Variants in SHANK2 observed in about 807,000 individuals in gnomAD.
SHANK2 encodes SH3 and multiple ankyrin repeat domains protein 2.
A neutral mutation model predicts 133.7 loss-of-function variants in SHANK2; 43 were observed. The observed-to-expected ratio is 0.32, with a 90% CI of 0.25 to 0.41. The LOEUF (loss-of-function observed/expected upper bound fraction) is 0.41. Ranked by LOEUF, SHANK2 falls within the 10% of genes least tolerant of loss-of-function variation. The pLI is 1.00. For synonymous variants in SHANK2, 1,017 were observed against 952.8 expected (o/e 1.07, Z -1.24); for missense variants, 1,994 against 2,235.8 (o/e 0.89, Z 2.18).
intron 17 of SHANK2, among the ~76,000 whole-genome samples, chr11:70,659,205 G>A (rs1202349071): frequency 6.6e-6 from 1 of 152,120 alleles, no homozygotes; most frequent in Non-Finnish European, 1.5e-5. Context: ...ATTCTCTAAA[G>A]GAAGAGAATG....
intron 8 of SHANK2, among the ~76,000 whole-genome samples, chr11:71,088,311 C>A (rs1951446529): frequency 6.6e-6 from 1 of 152,168 alleles, no homozygotes; most frequent in Non-Finnish European, 1.5e-5. Flanking sequence ...TATCTGTACA[C>A]ACACACACAT....
intron 10 of SHANK2, among the ~76,000 whole-genome samples, chr11:70,938,982 A>C (rs539838083): frequency 2.0e-5 from 3 of 152,272 alleles, no homozygotes; most frequent in Admixed American, 1.3e-4. Context: ...CTGGTGGCTA[A>C]TCCAGGAGAG....
chr11:70,752,125 T>G (rs1184535623), intron 14 of SHANK2, among the ~76,000 whole-genome samples: 1 of 152,190 alleles, frequency 6.6e-6, no homozygotes, highest in African/African-American at 2.4e-5. Flanking sequence ...CTTTATTATT[T>G]TTTTGTAGAG....
chr11:71,228,035 C>A (rs1254162793), intron 1 of SHANK2, among the ~76,000 whole-genome samples: 2 of 151,362 alleles, frequency 1.3e-5, no homozygotes, highest in Non-Finnish European at 3.0e-5. Context: ...GAAAAAAAAA[C>A]AACACAAATT....
chr11:71,233,800 C>G (rs1954784220), intron 1 of SHANK2, among the ~76,000 whole-genome samples: 1 of 152,164 alleles, frequency 6.6e-6, no homozygotes, highest in African/African-American at 2.4e-5. Context: ...GTAATCCCAG[C>G]ACTTTGGGAG....
intron 2 of SHANK2, among the ~76,000 whole-genome samples, chr11:71,165,911 G>A (rs1173041094): frequency 1.3e-5 from 2 of 152,088 alleles, no homozygotes; most frequent in African/African-American, 4.8e-5. Context: ...CACCCTCCAT[G>A]AGCACTCTGT....
chr11:70,500,487 A>G lies in SHANK2; in HGVS notation c.2308+83T>C. On this transcript the variant is annotated intron_variant, in intron 21 of 25. Coordinates refer to ENST00000601538, the MANE Select transcript of SHANK2 (RefSeq NM_012309.5). The surrounding 1 kb of genome is among the most constrained non-coding windows in gnomAD (Gnocchi z 4.5). The stretch of plus-strand genomic sequence containing the variant: ...AACAAGGCTTTGCGACACATTTGAG[A>G]CTTCACGGCATCACAAAGGATGTTT... 14 of 1,542,588 alleles carry G rather than the reference A, an allele frequency of 9.1e-6. No homozygotes were observed. The highest frequency in any genetic ancestry group is 1.4e-5 in the African/African-American group (1 of 73,186).
chr11:71,098,400 C>T (rs1344512043), intron 6 of SHANK2, among the ~76,000 whole-genome samples: 11 of 152,224 alleles, frequency 7.2e-5, no homozygotes, highest in African/African-American at 2.7e-4. Context: ...GCGATTCTTC[C>T]TATGAGGGGA....
chr11:70,576,018 A>G (rs935241872), intron 17 of SHANK2, among the ~76,000 whole-genome samples: 6 of 152,108 alleles, frequency 3.9e-5, no homozygotes, highest in African/African-American at 1.2e-4. Flanking sequence ...GGTGTGCTGC[A>G]TGTCCCATTT....
In SHANK2 at chr11:70,820,356, C is replaced by G; in HGVS notation, c.1493+8G>C. 1.6e-6 allele frequency: 1 copy of G among 618,630 alleles called. No individual in the cohort carries two copies. Among genetic ancestry groups the G allele is most frequent in the Non-Finnish European group, 3.0e-6 (1 of 332,846 alleles). 38.3% of individuals were successfully genotyped at this position (618,630 alleles called of 1,614,324 possible). A position where few individuals can be genotyped will look rare whatever the true frequency, so the allele number is the denominator to read the frequency against. On this transcript the variant is annotated splice_region_variant and intron_variant, in intron 12 of 25. Coordinates refer to ENST00000601538, the MANE Select transcript of SHANK2 (RefSeq NM_012309.5). ...GTCTTCCTTCCCTTGGCGTCTGCCA[C>G]TCCTTACCCGACATGCCAGAGAGGC...
At chr11:71,238,342 G>C (rs944618646) in intron 1 of SHANK2, among the ~76,000 whole-genome samples, 1 of 152,222 alleles carries the variant, frequency 6.6e-6, no homozygotes, top group Non-Finnish European at 1.5e-5. Context: ...AGTAAGAACA[G>C]TTGGCGGTAC....
intron 2 of SHANK2, among the ~76,000 whole-genome samples, chr11:71,192,718 T>G (rs1156304684): frequency 2.0e-5 from 3 of 152,232 alleles, no homozygotes; most frequent in Admixed American, 6.5e-5. Flanking sequence ...ACTGGAATAT[T>G]CACTTACAAA....
chr11:70,546,534 G>A (rs782589404), intron 17 of SHANK2, among the ~76,000 whole-genome samples: 11 of 152,122 alleles, frequency 7.2e-5, no homozygotes, highest in Non-Finnish European at 1.3e-4. Flanking sequence ...TCAAGTTGTC[G>A]AGAGTCCAGA....
chr11:70,804,737 G>T lies in SHANK2; in HGVS notation c.1663+2265C>A, dbSNP rs1366647239. Among the ~76,000 whole-genome samples, 2 of 152,196 alleles carry T rather than the reference G, an allele frequency of 1.3e-5. No homozygotes were observed. Among genetic ancestry groups the T allele is most frequent in the Non-Finnish European group, 2.9e-5 (2 of 68,030 alleles). ...AGGGGAAGGCCCCCCCAGAGCTTCT[G>T]GGAATTAAGGTGTGAGATGTGGATT... is the stretch of plus-strand genomic sequence containing the variant. On this transcript the variant is annotated intron_variant, in intron 13 of 25. Coordinates refer to ENST00000601538, the MANE Select transcript of SHANK2 (RefSeq NM_012309.5). This position sits in a 1 kb window ranked among gnomAD's most constrained non-coding sequence, Gnocchi z 4.1.
At chr11:71,204,564 A>G (rs1379830604) in intron 2 of SHANK2, among the ~76,000 whole-genome samples, 1 of 152,136 alleles carries the variant, frequency 6.6e-6, no homozygotes, top group South Asian at 2.1e-4. Flanking sequence ...AGGCAGGTGC[A>G]CTTCACCCTG....
At chr11:70,707,681 G>A (rs1555025257) in intron 14 of SHANK2, among the ~76,000 whole-genome samples, 1 of 152,188 alleles carries the variant, frequency 6.6e-6, no homozygotes, top group Admixed American at 6.5e-5. Context: ...GCTGCACTGA[G>A]GACAAGATGA....
intron 1 of SHANK2, among the ~76,000 whole-genome samples, chr11:71,237,848 A>T (rs549639720): frequency 6.6e-6 from 1 of 152,330 alleles, no homozygotes; most frequent in East Asian, 1.9e-4. Context: ...AGGTTCATCC[A>T]TGTTAGGAAA....
At chr11:70,614,792 C>T (rs2060716156) in intron 17 of SHANK2, among the ~76,000 whole-genome samples, 1 of 152,342 alleles carries the variant, frequency 6.6e-6, no homozygotes, top group Admixed American at 6.5e-5. Context: ...TCCTCTGAGC[C>T]TGGGGTGAGC....
intron 8 of SHANK2, among the ~76,000 whole-genome samples, chr11:71,077,462 C>T (rs1395444992): frequency 2.0e-5 from 3 of 152,156 alleles, no homozygotes; most frequent in East Asian, 1.9e-4. Context: ...GTCTCGTAGG[C>T]GTGTTCCCAA....
Sources: gnomAD v4.1 joint callset for allele counts (sites outside exome capture counted in the v4.1 genomes callset) on GRCh38, gnomAD v4.1.1 for gene constraint, Gnocchi (gnomAD v3.1) non-coding constraint, MANE v1.5 for transcripts, NCBI Gene and HGNC (gene_info 2026-07-23, HGNC 2026-07-21) for gene names.